MTUS1: variants seen among roughly 807,000 people sequenced by gnomAD.
MTUS1 encodes microtubule-associated tumor suppressor 1.
MTUS1 carries 109 observed loss-of-function variants against 120.8 expected under a neutral mutation model. The observed-to-expected ratio is 0.90, with a 90% CI of 0.77 to 1.06. MTUS1 has a LOEUF of 1.06. Among genes scored for constraint, MTUS1 ranks in the 50% least tolerant of loss-of-function variants. The pLI is 0.00. For missense variants in MTUS1, 2,210 were observed against 1,486.3 expected, an observed-to-expected ratio of 1.49 and a Z score of -8.01; for synonymous variants, 737 against 550.5, an observed-to-expected ratio of 1.34 and a Z score of -4.74.
chr8:17,727,908 AAC>A (rs747942609), intron 3 of MTUS1, among the ~76,000 whole-genome samples: 1 of 152,192 alleles, frequency 6.6e-6, no homozygotes, highest in Non-Finnish European at 1.5e-5. Flanking sequence ...CTTAGATAGT[AAC>A]ACAGTCTATT....
intron 3 of MTUS1, among the ~76,000 whole-genome samples, chr8:17,740,227 A>G (rs1445934869): frequency 6.6e-6 from 1 of 151,456 alleles, no homozygotes; most frequent in East Asian, 1.9e-4. Flanking sequence ...AAAGGAAAAG[A>G]AAAAGGAAAA....
intron 3 of MTUS1, among the ~76,000 whole-genome samples, chr8:17,735,876 GT>G: frequency 6.6e-6 from 1 of 152,354 alleles, no homozygotes; most frequent in East Asian, 1.9e-4. Flanking sequence ...AGACAGACAT[GT>G]AAGGAAATAA....
intron 1 of MTUS1, among the ~76,000 whole-genome samples, chr8:17,793,489 A>G (rs1372483572): frequency 6.6e-6 from 1 of 152,220 alleles, no homozygotes; most frequent in Non-Finnish European, 1.5e-5. Context: ...ATCTGACAAA[A>G]GAATTTCAAA....
chr8:17,646,170 C>G, intron 14 of MTUS1, 31 bp from the exon 15 acceptor site: 1 of 1,470,946 alleles, frequency 6.8e-7, no homozygotes, highest in Non-Finnish European at 9.1e-7. Context: ...ACCATGAGAT[C>G]TATGTAAAAA....
chr8:17,755,943 T>A lies in MTUS1; in HGVS notation c.-136A>T. The A allele has an allele frequency of 7.0e-7, 1 of 1,431,312 alleles. No homozygotes were observed. The allele number at this position is 1,431,312 out of a possible 1,614,324, so 88.7% of individuals were successfully genotyped here. The stretch of plus-strand genomic sequence containing the variant: ...TTTTCAGTCTAAGATGCTCTGAAGA[T>A]TAAATGATTTGTTGTTCCCTGGAAG... On this transcript the variant is annotated 5_prime_UTR_variant, in exon 2 of 15. Coordinates refer to ENST00000693296, the MANE Select transcript of MTUS1 (RefSeq NM_001363059.2).
chr8:17,680,612 T>C lies in MTUS1; in HGVS notation c.2838+3716A>G, dbSNP rs556780671. ...ATTGTCTGGGAAATTCACTAGGAGC[T>C]TGCCATGTTTGTGGACAATGCATCT... On this transcript the variant is annotated intron_variant, in intron 7 of 14. Coordinates refer to ENST00000693296, the MANE Select transcript of MTUS1 (RefSeq NM_001363059.2). 2.2e-3 allele frequency among the ~76,000 whole-genome samples: 336 copies of C among 152,200 alleles called. 2 individuals are homozygous for C. Among genetic ancestry groups the C allele is most frequent in the Admixed American group, 3.5e-3 (53 of 15,282 alleles).
intron 7 of MTUS1, chr8:17,676,460 G>T (rs1022652070): frequency 6.3e-6 from 4 of 635,296 alleles, no homozygotes; most frequent in Non-Finnish European, 1.1e-5. Flanking sequence ...TGGCCCTCGG[G>T]CGTCTTACTT....
intron 7 of MTUS1, chr8:17,676,332 T>C (rs1813104933): frequency 1.4e-6 from 1 of 702,898 alleles, no homozygotes; most frequent in African/African-American, 1.7e-5. Flanking sequence ...CAGCCCATTT[T>C]CCAGCTTCTG....
At chr8:17,732,700 T>A (rs939714698) in intron 3 of MTUS1, among the ~76,000 whole-genome samples, 2 of 152,140 alleles carry the variant, frequency 1.3e-5, no homozygotes, top group Non-Finnish European at 2.9e-5. Flanking sequence ...AACATCTGTG[T>A]TTCCACCATC....
intron 8 of MTUS1, among the ~76,000 whole-genome samples, chr8:17,661,893 C>T (rs926992845): frequency 6.6e-6 from 1 of 152,212 alleles, no homozygotes; most frequent in African/African-American, 2.4e-5. Flanking sequence ...GCAGTAATCG[C>T]TCACACTAAT....
chr8:17,777,037 TACTC>T (rs1471000262), intron 1 of MTUS1, among the ~76,000 whole-genome samples: 2 of 152,176 alleles, frequency 1.3e-5, no homozygotes, highest in East Asian at 1.9e-4. Context: ...CAGCCCCTCC[TACTC>T]ACTGAGGTGG....
chr8:17,702,549 C>T (rs891522238), intron 6 of MTUS1, among the ~76,000 whole-genome samples: 1 of 152,120 alleles, frequency 6.6e-6, no homozygotes, highest in African/African-American at 2.4e-5. Context: ...ATCAAGTTCC[C>T]ATTCCCTGGC....
intron 8 of MTUS1, among the ~76,000 whole-genome samples, chr8:17,659,832 G>C (rs114463397): frequency 1.3e-5 from 2 of 152,020 alleles, no homozygotes; most frequent in East Asian, 1.9e-4. Flanking sequence ...TCTCCAGAAC[G>C]TTTCCCCCCA....
chr8:17,670,046 T>G (rs1455326742), intron 8 of MTUS1, among the ~76,000 whole-genome samples: 1 of 152,162 alleles, frequency 6.6e-6, no homozygotes, highest in Non-Finnish European at 1.5e-5. Context: ...TGGATCCAAG[T>G]GGCATTTAGG....
intron 2 of MTUS1, among the ~76,000 whole-genome samples, chr8:17,749,618 A>ACAC (rs539282151): frequency 1.2e-3 from 176 of 150,584 alleles, no homozygotes; most frequent in Middle Eastern, 6.8e-3. Context: ...CCGAGAGATC[A>ACAC]CACCACTGCA....
At chr8:17,800,340 G>A (rs1313783680) in intron 1 of MTUS1, among the ~76,000 whole-genome samples, 1 of 152,036 alleles carries the variant, frequency 6.6e-6, no homozygotes, top group East Asian at 1.9e-4. Flanking sequence ...CTAAGACTTT[G>A]GTTTCATTGA....
chr8:17,654,816 C>A, intron 9 of MTUS1, 150 bp from the exon 10 acceptor site: 3 of 620,908 alleles, frequency 4.8e-6, no homozygotes, highest in Non-Finnish European at 8.6e-6. Flanking sequence ...AAGGTCAGGG[C>A]AGTGGTTCAC....
intron 8 of MTUS1, among the ~76,000 whole-genome samples, chr8:17,664,353 G>A (rs901124449): frequency 6.6e-6 from 1 of 152,122 alleles, no homozygotes; most frequent in Non-Finnish European, 1.5e-5. Context: ...ACCATAGAAA[G>A]AAGAGACGAA....
intron 3 of MTUS1, among the ~76,000 whole-genome samples, chr8:17,733,120 G>C (rs570085694): frequency 1.3e-5 from 2 of 152,274 alleles, no homozygotes; most frequent in South Asian, 4.2e-4. Flanking sequence ...GAAGGCCGAG[G>C]TGGGTGGATC....
Sources: gnomAD v4.1 joint callset for allele counts (sites outside exome capture counted in the v4.1 genomes callset) on GRCh38, gnomAD v4.1.1 for gene constraint, MANE v1.5 for transcripts, NCBI Gene and HGNC (gene_info 2026-07-23, HGNC 2026-07-21) for gene names.